LOC128092253: variants seen among roughly 807,000 people sequenced by gnomAD.
the LOC128092253 span, among the ~76,000 whole-genome samples, chr6:133,969,126 A>T: frequency 6.6e-6 from 1 of 152,178 alleles, no homozygotes; most frequent in Admixed American, 6.5e-5. Flanking sequence ...TTTGCATGAG[A>T]ATGTAAACCA....
the LOC128092253 span, among the ~76,000 whole-genome samples, chr6:133,973,536 A>T: frequency 6.6e-6 from 1 of 152,198 alleles, no homozygotes; most frequent in South Asian, 2.1e-4. Flanking sequence ...TTTTAAATGC[A>T]GTAGTCTTTG....
chr6:133,963,181 T>G, the LOC128092253 span, among the ~76,000 whole-genome samples: 5 of 152,222 alleles, frequency 3.3e-5, no homozygotes, highest in Admixed American at 3.3e-4. Context: ...GAAGTCTTGA[T>G]GTTCTCTGAA....
At chr6:133,962,166 T>C in the LOC128092253 span, among the ~76,000 whole-genome samples, 3 of 152,142 alleles carry the variant, frequency 2.0e-5, no homozygotes, top group Non-Finnish European at 4.4e-5. Context: ...GATTAGGTTA[T>C]ATAAGGAAGA....
chr6:133,954,212 GC>G, the LOC128092253 span, among the ~76,000 whole-genome samples: 1 of 152,236 alleles, frequency 6.6e-6, no homozygotes, highest in East Asian at 1.9e-4. Flanking sequence ...CTCTCTGACT[GC>G]ATCTGTCACC....
At chr6:133,977,795 A>G in the LOC128092253 span, among the ~76,000 whole-genome samples, 3 of 152,150 alleles carry the variant, frequency 2.0e-5, no homozygotes, top group African/African-American at 7.2e-5. Context: ...GGCTGCTTCT[A>G]TCTTGTTGTT....
At chr6:133,972,687 T>C in the LOC128092253 span, among the ~76,000 whole-genome samples, 1 of 151,546 alleles carries the variant, frequency 6.6e-6, no homozygotes, top group Non-Finnish European at 1.5e-5. Flanking sequence ...GGTGTTTGTT[T>C]GTTTGTTTGT....
the LOC128092253 span, among the ~76,000 whole-genome samples, chr6:133,974,028 T>C: frequency 6.8e-6 from 1 of 147,696 alleles, no homozygotes; most frequent in Non-Finnish European, 1.5e-5. Flanking sequence ...AAAGTCACCC[T>C]GCTGTGCCAA....
the LOC128092253 span, among the ~76,000 whole-genome samples, chr6:133,963,595 AT>A: frequency 6.6e-6 from 1 of 151,940 alleles, no homozygotes; most frequent in Non-Finnish European, 1.5e-5. Context: ...TAATTTTTGT[AT>A]TTTTTTGTCG....
At chr6:133,961,886 C>T in the LOC128092253 span, among the ~76,000 whole-genome samples, 12 of 152,226 alleles carry the variant, frequency 7.9e-5, no homozygotes, top group Non-Finnish European at 4.4e-5. Context: ...ATTATTTTGT[C>T]AGCCTATTTG....
At chr6:133,977,800 G>A in the LOC128092253 span, among the ~76,000 whole-genome samples, 3 of 152,116 alleles carry the variant, frequency 2.0e-5, no homozygotes, top group South Asian at 2.1e-4. Flanking sequence ...CTTCTATCTT[G>A]TTGTTCTACC....
the LOC128092253 span, among the ~76,000 whole-genome samples, chr6:133,954,728 C>T: frequency 1.3e-5 from 2 of 152,140 alleles, no homozygotes; most frequent in Non-Finnish European, 1.5e-5. Context: ...GTTTGTTCCC[C>T]ACCCCTTTTG....
At chr6:133,974,387 G>A in the LOC128092253 span, among the ~76,000 whole-genome samples, 3 of 152,198 alleles carry the variant, frequency 2.0e-5, no homozygotes, top group African/African-American at 7.2e-5. Context: ...AGGTTGGAGT[G>A]CAGTGGCGCG....
At chr6:133,957,228 T>G in the LOC128092253 span, among the ~76,000 whole-genome samples, 1 of 152,024 alleles carries the variant, frequency 6.6e-6, no homozygotes, top group African/African-American at 2.4e-5. Flanking sequence ...TGTGTGGGAG[T>G]CAATAATGAA....
At chr6:133,974,047 A>G in the LOC128092253 span, among the ~76,000 whole-genome samples, 145 of 151,602 alleles carry the variant, frequency 9.6e-4, 2 homozygotes, top group African/African-American at 3.3e-3. Context: ...AATTCTCTGA[A>G]TAGAACAGTT....
At chr6:133,959,467 C>T in the LOC128092253 span, among the ~76,000 whole-genome samples, 2 of 151,690 alleles carry the variant, frequency 1.3e-5, no homozygotes, top group East Asian at 3.9e-4. Context: ...CTCTAGTGTT[C>T]TTTCTTTCTT....
chr6:133,973,677 T>G, the LOC128092253 span, among the ~76,000 whole-genome samples: 2 of 152,210 alleles, frequency 1.3e-5, no homozygotes, highest in Non-Finnish European at 2.9e-5. Context: ...TGTGTTCTTG[T>G]ACACAAAATC....
At chr6:133,979,511 A>G in the LOC128092253 span, among the ~76,000 whole-genome samples, 1 of 152,222 alleles carries the variant, frequency 6.6e-6, no homozygotes, top group Non-Finnish European at 1.5e-5. Context: ...AGCAGGAGAT[A>G]AGTCTGGCAA....
chr6:133,965,216 A>G, the LOC128092253 span, among the ~76,000 whole-genome samples: 1 of 152,238 alleles, frequency 6.6e-6, no homozygotes, highest in Non-Finnish European at 1.5e-5. Context: ...CACTTACAGT[A>G]GCTTAGGACA....
the LOC128092253 span, among the ~76,000 whole-genome samples, chr6:133,978,747 G>GCC: frequency 1.3e-5 from 2 of 152,246 alleles, no homozygotes; most frequent in African/African-American, 4.8e-5. Flanking sequence ...GGTCTGGTTT[G>GCC]CCACTGTGTT....
Sources: gnomAD v4.1 joint callset for allele counts (sites outside exome capture counted in the v4.1 genomes callset) on GRCh38, gnomAD v4.1.1 for gene constraint, MANE v1.5 for transcripts.